PNLIP: variants seen among roughly 807,000 people sequenced by gnomAD.
The protein encoded by PNLIP is pancreatic lipase.
A neutral mutation model predicts 57.1 loss-of-function variants in PNLIP; 49 were observed. The observed-to-expected ratio is 0.86, with a 90% confidence interval of 0.68 to 1.09. The LOEUF (loss-of-function observed/expected upper bound fraction) is 1.09. PNLIP is among the 50% of genes least tolerant of loss of function. PNLIP has a pLI of 0.00. For missense variants in PNLIP, 503 were observed against 570.2 expected (o/e 0.88, Z 1.20); for synonymous variants, 209 against 200.4 (o/e 1.04, Z -0.36).
intron 11 of PNLIP, 26 bp downstream of exon 11, chr10:116,560,550 C>CTTTTTTTTT: frequency 7.9e-6 from 4 of 504,204 alleles, no homozygotes; most frequent in South Asian, 2.6e-5. Context: ...TTGCTCTATG[C>CTTTTTTTTT]TTTTTTTTTT....
intron 9 of PNLIP, among the ~76,000 whole-genome samples, chr10:116,556,533 A>G (rs1336491978): frequency 6.6e-6 from 1 of 152,048 alleles, no homozygotes; most frequent in African/African-American, 2.4e-5. Context: ...TAATGGCCAA[A>G]ATTTTTTTTT....
Position 116,561,502 on chromosome 10 carries a change from C to T in PNLIP, c.1200C>T (p.Ser400=), listed in dbSNP as rs1847315042. The T allele has an allele frequency of 3.1e-6, 5 of 1,613,536 alleles. No homozygotes were observed. The highest frequency in any genetic ancestry group is 1.3e-5 in the African/African-American group (1 of 74,882). ...CTCTCAAACCAGATAGTACTCATTCCAATGAATTTGACTCAGATGTGGATG... is the reference window on the plus strand; with the variant it reads ...CTCTCAAACCAGATAGTACTCATTCTAATGAATTTGACTCAGATGTGGATG... ...KGTLKPDSTH[S]NEFDSDVDVG... is the part of the protein sequence containing the mutation. The change falls in exon 12 of 13, where the codon TCC becomes TCT. Residue 400 remains serine, a synonymous_variant. Coordinates refer to ENST00000369221, the MANE Select transcript of PNLIP (RefSeq NM_000936.4).
intron 4 of PNLIP, among the ~76,000 whole-genome samples, chr10:116,550,249 G>A (rs1469838522): frequency 6.6e-6 from 1 of 151,462 alleles, no homozygotes; most frequent in African/African-American, 2.4e-5. Flanking sequence ...TAGTAGAGAT[G>A]AGGTTTCACC....
chr10:116,561,963 C>T (rs1847319645), intron 12 of PNLIP, among the ~76,000 whole-genome samples: 1 of 152,210 alleles, frequency 6.6e-6, no homozygotes. Context: ...ATCTTCCAAA[C>T]TTCCCAGGCT....
intron 9 of PNLIP, among the ~76,000 whole-genome samples, chr10:116,556,413 T>A (rs1035395527): frequency 2.0e-5 from 3 of 152,238 alleles, no homozygotes; most frequent in South Asian, 4.1e-4. Flanking sequence ...TATGGAAATC[T>A]GAGCAATATC....
At chr10:116,557,243 G>C (rs973936172) in intron 9 of PNLIP, among the ~76,000 whole-genome samples, 16 of 152,246 alleles carry the variant, frequency 1.1e-4, no homozygotes, top group African/African-American at 3.6e-4. Flanking sequence ...AAAAGCCTCA[G>C]GTTTCATTCA....
At chr10:116,553,609 T>A (rs1847218149) in intron 5 of PNLIP, 118 bp from the exon 6 acceptor site, 1 of 705,944 alleles carries the variant, frequency 1.4e-6, no homozygotes, top group Admixed American at 2.1e-5. Context: ...AAATATACTT[T>A]ATGATGTTCC....
Position 116,555,316 on chromosome 10 carries a change from C to A in PNLIP, c.691+19C>A, listed in dbSNP as rs758146966. On this transcript the variant is annotated intron_variant, in intron 7 of 12. Transcript: ENST00000369221. The stretch of plus-strand genomic sequence containing the variant: ...AATTTGGGTGAGTTCCTCAACCCGT[C>A]CCCCAAAGGGTGTTATAGTGTCTGA... The A allele has an allele frequency of 8.1e-6, 13 of 1,614,158 alleles. No individual in the cohort carries two copies. In the South Asian group the frequency reaches 1.4e-4, roughly 18 times the overall value.
intron 12 of PNLIP, among the ~76,000 whole-genome samples, chr10:116,564,010 T>G (rs538315438): frequency 6.6e-6 from 1 of 152,144 alleles, no homozygotes; most frequent in African/African-American, 2.4e-5. Context: ...AAAATATATG[T>G]GAAGAAATAA....
intron 12 of PNLIP, among the ~76,000 whole-genome samples, chr10:116,562,595 A>G (rs1346117743): frequency 6.6e-6 from 1 of 152,188 alleles, no homozygotes; most frequent in Non-Finnish European, 1.5e-5. Flanking sequence ...CATACCAGAG[A>G]GGAGAGAGTT....
In PNLIP at chr10:116,567,741, C is replaced by T. The variant is rs370443086; in HGVS notation, c.1341C>T (p.Asn447=). Residue 447 remains asparagine (N), a synonymous_variant, in exon 13 of 13, where the codon AAC becomes AAT. Coordinates refer to ENST00000369221, the MANE Select transcript of PNLIP (RefSeq NM_000936.4). ...TGTTGTTTTTTCTCCACAGGTTCAA[C>T]TTCTGTAGTCCAGAAACCGTCAGGG... is the stretch of plus-strand genomic sequence containing the variant. ...IVETNVGKQF[N]FCSPETVREE... 3 of 1,613,548 alleles carry T rather than the reference C, an allele frequency of 1.9e-6. No homozygotes were observed. Among genetic ancestry groups the T allele is most frequent in the Non-Finnish European group, 2.5e-6 (3 of 1,179,546 alleles).
At chr10:116,561,163 CTCA>C (rs1847311368) in intron 11 of PNLIP, among the ~76,000 whole-genome samples, 1 of 152,110 alleles carries the variant, frequency 6.6e-6, no homozygotes, top group Non-Finnish European at 1.5e-5. Flanking sequence ...ATGGCATACT[CTCA>C]TCATTTATTA....
rs1054602724 is a variant in PNLIP at position 116,547,147 on chromosome 10, G to C, written c.47-147G>C. ...TGGAATAGTTGTGTTGTCTTTTGAA[G>C]CTGTTTTGTGAGTGTGTGGCTAGGA... is the stretch of plus-strand genomic sequence containing the variant. On this transcript the variant is annotated intron_variant, in intron 2 of 12. Coordinates refer to ENST00000369221, the MANE Select transcript of PNLIP (RefSeq NM_000936.4). The C allele has an allele frequency of 4.4e-5, 31 of 705,184 alleles. No individual in the cohort carries two copies. In the African/African-American group the frequency reaches 5.1e-4, roughly 12 times the overall value. The allele number at this position is 705,184 out of a possible 1,614,324, so 43.7% of individuals were successfully genotyped here.
intron 12 of PNLIP, 138 bp downstream of exon 12, chr10:116,561,774 C>T: frequency 3.0e-6 from 2 of 661,208 alleles, no homozygotes; most frequent in Middle Eastern, 4.1e-4. Flanking sequence ...CTAATGCCTT[C>T]TGTTTCTTTA....
intron 11 of PNLIP, among the ~76,000 whole-genome samples, chr10:116,561,202 C>T (rs771742197): frequency 2.0e-4 from 31 of 152,108 alleles, no homozygotes; most frequent in Non-Finnish European, 2.8e-4. Context: ...GTGACTAATA[C>T]ATGTTTGAAG....
chr10:116,552,215 A>G (rs1332882149), intron 5 of PNLIP, among the ~76,000 whole-genome samples: 1 of 152,246 alleles, frequency 6.6e-6, no homozygotes, highest in African/African-American at 2.4e-5. Context: ...TACACTTTTT[A>G]TCATTATTTT....
rs767418103 is a variant in PNLIP, at chr10:116,561,551, T to A, written c.1249T>A (p.Phe417Ile). The A allele has an allele frequency of 3.7e-6, 6 of 1,613,848 alleles. No homozygotes were observed. The Admixed American group carries it at 1.0e-4, about 27-fold the overall frequency. Residue 417 changes from phenylalanine (F) to isoleucine (I), a missense_variant, in exon 12 of 13, where the codon TTT becomes ATT. Transcript: ENST00000369221. ...TGTTGGGGACTTGCAGATGGTTAAA[T>A]TTATTTGGTATAACAATGTGATCAA... ...VDVGDLQMVK[F>I]IWYNNVINPT...
chr10:116,555,773 A>G (rs1589556892), intron 8 of PNLIP, among the ~76,000 whole-genome samples: 1 of 152,288 alleles, frequency 6.6e-6, no homozygotes, highest in African/African-American at 2.4e-5. Context: ...CTTCTACAGT[A>G]TTTTAAACCT....
chr10:116,560,660 C>A (rs1847305995), intron 11 of PNLIP, 136 bp downstream of exon 11: 1 of 485,284 alleles, frequency 2.1e-6, no homozygotes, highest in East Asian at 3.4e-5. Flanking sequence ...TCACTACAAC[C>A]TCTGCCTCTA....
Sources: allele counts gnomAD v4.1 joint callset (sites outside exome capture counted in the v4.1 genomes callset), GRCh38; gene constraint gnomAD v4.1.1; transcripts MANE v1.5; gene names NCBI Gene and HGNC (gene_info 2026-07-23, HGNC 2026-07-21).